Variants in PLCB2 observed in about 807,000 individuals in gnomAD.
PLCB2 encodes the protein 1-phosphatidylinositol 4,5-bisphosphate phosphodiesterase beta-2.
Under a neutral mutation model 141.7 loss-of-function variants are expected in PLCB2, and 115 were observed. That is an observed-to-expected ratio of 0.81 (90% CI 0.70 to 0.95). The LOEUF (loss-of-function observed/expected upper bound fraction) is 0.95. PLCB2 is among the 40% of genes least tolerant of loss of function. PLCB2 has a pLI of 0.00. For missense variants in PLCB2, 1,403 were observed against 1,541.1 expected, an observed-to-expected ratio of 0.91 and a Z score of 1.50; for synonymous variants, 603 against 595.6, an observed-to-expected ratio of 1.01 and a Z score of -0.18.
At chr15:40,296,959 C>T in intron 13 of PLCB2, 51 bp from the exon 14 acceptor site, 2 of 1,592,586 alleles carry the variant, frequency 1.3e-6, no homozygotes, top group Non-Finnish European at 1.7e-6. Flanking sequence ...CATGGCATAG[C>T]CTGAGCTCCT....
At chr15:40,285,268 A>G (rs56203022), downstream of PLCB2, among the ~76,000 whole-genome samples, 34,777 of 152,204 alleles carry the variant, frequency 0.23, 5,108 homozygotes, top group Non-Finnish European at 0.33. Flanking sequence ...GCCTTTGGTC[A>G]GGGATCTGCC....
chr15:40,307,226 T>C (rs2040842508), intron 1 of PLCB2, among the ~76,000 whole-genome samples: 1 of 152,112 alleles, frequency 6.6e-6, no homozygotes, highest in African/African-American at 2.4e-5. Context: ...ACATCTGTGC[T>C]GGGAGCGGGG....
At chr15:40,295,160 AC>A in intron 17 of PLCB2, 40 bp downstream of exon 17, 1 of 1,609,298 alleles carries the variant, frequency 6.2e-7, no homozygotes, top group South Asian at 1.1e-5. Flanking sequence ...CTGGCTCCCC[AC>A]CCAAGCCAAG....
chr15:40,293,853 C>T (rs969557378), intron 19 of PLCB2, 129 bp from the exon 20 acceptor site: 21 of 893,796 alleles, frequency 2.3e-5, no homozygotes, highest in East Asian at 7.9e-5. Context: ...TCACTCAGCT[C>T]TGGCCATGAG....
chr15:40,292,008 C>T, intron 23 of PLCB2, 56 bp downstream of exon 23: 2 of 1,606,106 alleles, frequency 1.2e-6, no homozygotes, highest in Non-Finnish European at 1.7e-6. Flanking sequence ...CCAGCCTCTC[C>T]CATAAATAGG....
At position 40,307,918 on chromosome 15, in the gene PLCB2, C is replaced by T. The variant is rs1317899438; in HGVS notation, c.-246G>A. ...CCACCCGCCCTGCCTGCCATGGGGG[C>T]CTGTGGTCACTGCTTCTGCCCAAGG... On this transcript the variant is annotated 5_prime_UTR_variant, in exon 1 of 32. Coordinates refer to ENST00000260402, the MANE Select transcript of PLCB2 (RefSeq NM_004573.3). The T allele has an allele frequency of 5.6e-6, 2 of 359,636 alleles. No homozygotes were observed. The highest frequency in any genetic ancestry group is 9.9e-6 in the Non-Finnish European group (2 of 202,466). 22.3% of individuals were successfully genotyped at this position (359,636 alleles called of 1,614,324 possible).
At position 40,295,260 on chromosome 15, in the gene PLCB2, C is replaced by A. The variant is rs35388653; in HGVS notation, c.1722G>T (p.Ser574=). The change falls in exon 17 of 32, where the codon TCG becomes TCT. Residue 574 remains serine, a synonymous_variant. Coordinates refer to ENST00000260402, the MANE Select transcript of PLCB2 (RefSeq NM_004573.3). ...CATATGCCTTGAGCTCTGTGAAGGA[C>A]GAGATGACATAACTTCGGTTCTTTT... is the stretch of plus-strand genomic sequence containing the variant. ...SAQKNRSYVI[S]SFTELKAYDL... The A allele has an allele frequency of 6.2e-7, 1 of 1,613,454 alleles. No homozygotes were observed. Among genetic ancestry groups the A allele is most frequent in the Non-Finnish European group, 8.5e-7 (1 of 1,179,552 alleles).
chr15:40,290,716 C>T, intron 28 of PLCB2, 44 bp from the exon 29 acceptor site: 1 of 1,611,838 alleles, frequency 6.2e-7, no homozygotes. Context: ...TGCGGCTGAG[C>T]CCTTGCTGGG....
At chr15:40,286,229 T>C (rs1030940545), downstream of PLCB2, among the ~76,000 whole-genome samples, 2 of 151,998 alleles carry the variant, frequency 1.3e-5, no homozygotes, top group Non-Finnish European at 2.9e-5. Flanking sequence ...AGGCACGTCA[T>C]ACTCACCTCC....
In PLCB2 at chr15:40,297,100, G is replaced by T. The variant is rs1037653073; in HGVS notation, c.1324-192C>A. ...AGTAAATGCGGCTCATCTTGTGCTT[G>T]TTGTAGCTGTCCCTGAGTATGGGAC... On this transcript the variant is annotated intron_variant, in intron 13 of 31. Transcript: ENST00000260402. The surrounding 1 kb of genome is among the most constrained non-coding windows in gnomAD (Gnocchi z 4.2). Among the ~76,000 whole-genome samples, 1 of 152,106 alleles carries T rather than the reference G, an allele frequency of 6.6e-6. No individual in the cohort carries two copies. The highest frequency in any genetic ancestry group is 2.4e-5 in the African/African-American group (1 of 41,414).
In PLCB2 at chr15:40,298,203, C is replaced by T. The variant is rs1460481199; in HGVS notation, c.1155+20G>A. 3.3e-6 allele frequency: 5 copies of T among 1,536,710 alleles called. No homozygotes were observed. The highest frequency in any genetic ancestry group is 4.4e-6 in the Non-Finnish European group (5 of 1,139,898). On this transcript the variant is annotated intron_variant, in intron 11 of 31. Coordinates refer to ENST00000260402, the MANE Select transcript of PLCB2 (RefSeq NM_004573.3). ...CTTCCCTACTGCCACGGCCACCAGC[C>T]TCTGTGCCCAGGGTCTCACTTTGAA...
rs200750147 is a variant in PLCB2 at position 40,291,419 on chromosome 15, C to G, written c.2716G>C (p.Glu906Gln). The G allele has an allele frequency of 7.1e-6, 11 of 1,538,570 alleles. No homozygotes were observed. The East Asian group carries it at 2.4e-4, about 34-fold the overall frequency. Residue 906 changes from glutamate to glutamine, a missense_variant, in exon 26 of 32, where the codon GAG becomes CAG. Coordinates refer to ENST00000260402, the MANE Select transcript of PLCB2 (RefSeq NM_004573.3). ...KGVVKLQRRH[E>Q]KELRELERRG... ...CGCTCCAACTCTCGCAGCTCCTTCT[C>G]GTGCCGCCGCTGCAGCTTCACCACG...
At chr15:40,303,454 C>A (rs2040630417) in intron 2 of PLCB2, 98 bp from the exon 3 acceptor site, 7 of 850,624 alleles carry the variant, frequency 8.2e-6, no homozygotes, top group Non-Finnish European at 9.8e-6. Context: ...AGCTTCCACA[C>A]CCTTCAAATC....
Position 40,298,830 on chromosome 15 carries a change from T to A in PLCB2, c.818A>T (p.Lys273Met), listed in dbSNP as rs547170555. 4.5e-5 allele frequency: 73 copies of A among 1,613,828 alleles called. 1 individual carries two copies. The South Asian group carries it at 7.9e-4, about 17-fold the overall frequency. The change falls in exon 9 of 32, where the codon AAG becomes ATG. Residue 273 changes from lysine (K) to methionine (M), a missense_variant. This residue lies in a region of PLCB2 where 975 missense variants were observed against 1,141.1 expected (regional missense o/e 0.85). Coordinates refer to ENST00000260402, the MANE Select transcript of PLCB2 (RefSeq NM_004573.3). ...TGCATTGATGCCACTGGGCTCATAC[T>A]TGTCGATGAGGCCCTGCACCTGGTC... ...RPDQVQGLID[K>M]YEPSGINAQR...
rs1305074374 is a variant in PLCB2 at position 40,289,393 on chromosome 15, CACAG to C, written c.3268-39_3268-36del. On this transcript the variant is annotated intron_variant, in intron 30 of 31. Transcript: ENST00000260402. ...AGTGGATGGCAGAGAATCAGGACAA[CACAG>C]ACAGGCAAGCTGGGTCAGAATCCAG... is the stretch of plus-strand genomic sequence containing the variant. 2.7e-6 allele frequency: 4 copies of C among 1,492,286 alleles called. No individual in the cohort carries two copies. The Admixed American group carries it at 5.0e-5, about 19-fold the overall frequency. The allele number at this position is 1,492,286 out of a possible 1,614,324, so 92.4% of individuals were successfully genotyped here.
chr15:40,295,172 G>T, intron 17 of PLCB2, 29 bp downstream of exon 17: 1 of 1,610,924 alleles, frequency 6.2e-7, no homozygotes. Flanking sequence ...CCAAGCCAAG[G>T]ACCCTGGCCA....
chr15:40,290,706 T>A, intron 28 of PLCB2, 34 bp from the exon 29 acceptor site: 1 of 1,612,478 alleles, frequency 6.2e-7, no homozygotes, highest in Non-Finnish European at 8.5e-7. Flanking sequence ...AGCTGTTTTG[T>A]GCGGCTGAGC....
intron 3 of PLCB2, 75 bp from the exon 4 acceptor site, chr15:40,302,684 C>A: frequency 6.4e-7 from 1 of 1,551,272 alleles, no homozygotes; most frequent in South Asian, 1.2e-5. Flanking sequence ...CTGGCCCTCC[C>A]CTCAGCCACT....
chr15:40,301,017 T>G (rs1595674043), intron 7 of PLCB2: 1 of 152,466 alleles, frequency 6.6e-6, no homozygotes, highest in Non-Finnish European at 1.5e-5. Context: ...AGAGGGAGGG[T>G]GGATGTGTGC....
Sources: allele counts gnomAD v4.1 joint callset (sites outside exome capture counted in the v4.1 genomes callset), GRCh38; gene constraint gnomAD v4.1.1; regional missense constraint gnomAD v4.1.1; non-coding constraint Gnocchi (gnomAD v3.1); transcripts MANE v1.5; gene names NCBI Gene and HGNC (gene_info 2026-07-23, HGNC 2026-07-21).